Variants in DHX15 observed in about 807,000 individuals in gnomAD.
The protein encoded by DHX15 is DEAH-box helicase 15.
In DHX15, 11 loss-of-function variants were observed where a neutral mutation model predicts 94.4. The ratio of observed to expected loss-of-function variants is 0.12; its 90% CI spans 0.07 to 0.19. The LOEUF is 0.19. DHX15 is among the 10% of genes least tolerant of loss of function. The pLI is 1.00. For missense variants in DHX15, 304 were observed against 988.5 expected, an observed-to-expected ratio of 0.31 and a Z score of 9.29; for synonymous variants, 338 against 329.9, an observed-to-expected ratio of 1.02 and a Z score of -0.27.
At chr4:24,545,370 T>C (rs969273518) in intron 6 of DHX15, among the ~76,000 whole-genome samples, 3 of 152,248 alleles carry the variant, frequency 2.0e-5, no homozygotes, top group Non-Finnish European at 4.4e-5. Context: ...ATCCTGTGTG[T>C]ATGTTTTTTG....
chr4:24,570,500 T>C (rs910572592), intron 3 of DHX15, among the ~76,000 whole-genome samples, 154 bp downstream of exon 3: 1 of 152,154 alleles, frequency 6.6e-6, no homozygotes, highest in Non-Finnish European at 1.5e-5. Flanking sequence ...CAATAATATA[T>C]AATTAAACTA....
chr4:24,554,686 A>T, intron 5 of DHX15, 39 bp downstream of exon 5: 1 of 1,491,730 alleles, frequency 6.7e-7, no homozygotes, highest in African/African-American at 1.4e-5. Flanking sequence ...TAGAAACAGT[A>T]TGTCAAAAGC....
intron 5 of DHX15, among the ~76,000 whole-genome samples, chr4:24,551,916 C>T (rs905281911): frequency 5.9e-5 from 9 of 152,118 alleles, no homozygotes; most frequent in African/African-American, 2.2e-4. Flanking sequence ...TCCAACTTTA[C>T]TGGAGATTAG....
intron 1 of DHX15, among the ~76,000 whole-genome samples, chr4:24,579,467 G>C (rs1450197868): frequency 6.6e-6 from 1 of 152,184 alleles, no homozygotes; most frequent in Admixed American, 6.5e-5. Flanking sequence ...ACTAGTTGAA[G>C]TATAAGGGTT....
intron 6 of DHX15, among the ~76,000 whole-genome samples, chr4:24,545,527 A>C (rs1023643493): frequency 6.6e-6 from 1 of 152,250 alleles, no homozygotes; most frequent in Non-Finnish European, 1.5e-5. Flanking sequence ...GCCAAAAGTC[A>C]AACCCTAAAA....
intron 1 of DHX15, among the ~76,000 whole-genome samples, chr4:24,578,293 T>C (rs1722319856): frequency 6.6e-6 from 1 of 152,208 alleles, no homozygotes; most frequent in African/African-American, 2.4e-5. Context: ...TTCTCCTGCT[T>C]CTGGCCTAAG....
intron 1 of DHX15, among the ~76,000 whole-genome samples, chr4:24,578,119 G>C (rs570216373): frequency 1.3e-5 from 2 of 152,228 alleles, no homozygotes; most frequent in East Asian, 3.9e-4. Context: ...GAGCATACAA[G>C]CCAGAACTGT....
Position 24,547,064 on chromosome 4 carries a change from C to G in DHX15, c.1248+1791G>C, listed in dbSNP as rs558866531. Among the ~76,000 whole-genome samples the G allele has an allele frequency of 2.1e-3, 316 of 152,240 alleles. 3 individuals are homozygous for G. The highest frequency in any genetic ancestry group is 7.4e-3 in the African/African-American group (306 of 41,556). On this transcript the variant is annotated intron_variant, in intron 6 of 13. Transcript: ENST00000336812. ...TGCTGCGCCTCAGAATGTTCTTCCT[C>G]ATAATGAAAATGATGCAGCAACTGC... is the stretch of plus-strand genomic sequence containing the variant.
rs1234538286 is a variant in DHX15 at position 24,549,036 on chromosome 4, G to T, written c.1081-14C>A. On this transcript the variant is annotated splice_polypyrimidine_tract_variant and intron_variant, in intron 5 of 13. Transcript: ENST00000336812. ...TTCATCAATTTCCTACAAAATAAAA[G>T]TGAGTCTAAAAACGAATACTGAAAC... is the stretch of plus-strand genomic sequence containing the variant. 6.2e-7 allele frequency: 1 copy of T among 1,602,498 alleles called. No individual in the cohort carries two copies.
intron 5 of DHX15, among the ~76,000 whole-genome samples, chr4:24,551,399 T>C (rs1721601422): frequency 6.6e-6 from 1 of 152,154 alleles, no homozygotes; most frequent in South Asian, 2.1e-4. Context: ...TGTGTCTCTA[T>C]ATCAAAAAAC....
In DHX15 at chr4:24,580,289, C is replaced by A. The variant is rs538258678; in HGVS notation, c.72-3611G>T. ...CTAGGTGGGGTGGCACGCCTGTAGTCCCAGCTACCTGGGAGGCTGAGACGG... is the reference window on the plus strand; with the variant it reads ...CTAGGTGGGGTGGCACGCCTGTAGTACCAGCTACCTGGGAGGCTGAGACGG... On this transcript the variant is annotated intron_variant, in intron 1 of 13. Transcript: ENST00000336812. 5.3e-5 allele frequency among the ~76,000 whole-genome samples: 8 copies of A among 152,044 alleles called. 1 individual carries two copies. In the South Asian group the frequency reaches 1.7e-3, roughly 32 times the overall value.
intron 3 of DHX15, among the ~76,000 whole-genome samples, chr4:24,565,375 T>TA (rs1228378491): frequency 6.6e-6 from 1 of 152,232 alleles, no homozygotes; most frequent in African/African-American, 2.4e-5. Flanking sequence ...GCCTCAGTGT[T>TA]AAATAACCAC....
chr4:24,556,467 C>T, intron 3 of DHX15, 57 bp from the exon 4 acceptor site: 1 of 1,412,984 alleles, frequency 7.1e-7, no homozygotes, highest in Non-Finnish European at 9.6e-7. Context: ...TAAAACCAAA[C>T]TTCGTGACAA....
At chr4:24,550,113 A>AAAAAAC in intron 5 of DHX15, among the ~76,000 whole-genome samples, 1 of 142,866 alleles carries the variant, frequency 7.0e-6, no homozygotes, top group Non-Finnish European at 1.6e-5. Context: ...AAAAAAAAAA[A>AAAAAAC]AAAAAAAAAA....
intron 2 of DHX15, among the ~76,000 whole-genome samples, chr4:24,572,691 T>C (rs1221055895): frequency 6.6e-6 from 1 of 152,206 alleles, no homozygotes; most frequent in Admixed American, 6.5e-5. Flanking sequence ...TGACTACTTT[T>C]CAAACAAAAA....
At chr4:24,584,185 C>G (rs1722550642) in intron 1 of DHX15, 138 bp downstream of exon 1, 2 of 916,666 alleles carry the variant, frequency 2.2e-6, no homozygotes, top group African/African-American at 1.8e-5. Context: ...TTCTCCTACC[C>G]GCCGCTAGTG....
At chr4:24,530,022 C>A in intron 12 of DHX15, 1 of 533,314 alleles carries the variant, frequency 1.9e-6, no homozygotes. Context: ...GAAAAAATAT[C>A]ATACAAAAAA....
intron 3 of DHX15, among the ~76,000 whole-genome samples, chr4:24,561,600 A>G (rs1236440620): frequency 6.6e-6 from 1 of 151,456 alleles, no homozygotes; most frequent in East Asian, 1.9e-4. Context: ...ACATATACAC[A>G]ATGGAATACT....
At chr4:24,574,205 C>CAAAAAAAAAAAAAA (rs61031930) in intron 2 of DHX15, among the ~76,000 whole-genome samples, 807 of 68,818 alleles carry the variant, frequency 0.012, 90 homozygotes, top group Middle Eastern at 0.023. Flanking sequence ...GACTTTGTCT[C>CAAAAAAAAAAAAAA]AAAAAAAAAA....
Sources: gnomAD v4.1 joint callset for allele counts (sites outside exome capture counted in the v4.1 genomes callset) on GRCh38, gnomAD v4.1.1 for gene constraint, MANE v1.5 for transcripts, NCBI Gene and HGNC (gene_info 2026-07-23, HGNC 2026-07-21) for gene names.